The following LAMA2 variants were observed in gnomAD, a reference collection of about 807,000 sequenced individuals.
LAMA2 encodes laminin subunit alpha-2.
In LAMA2, 269 loss-of-function variants were observed where a neutral mutation model predicts 364.8. The ratio of observed to expected loss-of-function variants is 0.74; its 90% CI spans 0.67 to 0.82. The LOEUF is 0.82. Ranked by LOEUF, LAMA2 falls within the 40% of genes least tolerant of loss-of-function variation. The pLI, the probability that LAMA2 is intolerant of heterozygous loss-of-function variation, is 0.00. For synonymous variants in LAMA2, 1,379 were observed against 1,370.6 expected, an observed-to-expected ratio of 1.01 and a Z score of -0.14; for missense variants, 3,807 against 3,873.2, an observed-to-expected ratio of 0.98 and a Z score of 0.45.
intron 23 of LAMA2, among the ~76,000 whole-genome samples, chr6:129,314,383 A>G (rs1774428420): frequency 7.1e-6 from 1 of 141,016 alleles, no homozygotes; most frequent in Non-Finnish European, 1.5e-5. Context: ...TGGGCGAAAG[A>G]GCGAGACTCC....
At chr6:129,326,496 C>T (rs1775293457) in intron 28 of LAMA2, among the ~76,000 whole-genome samples, 1 of 151,820 alleles carries the variant, frequency 6.6e-6, no homozygotes, top group Non-Finnish European at 1.5e-5. Flanking sequence ...GTTTCTTTTT[C>T]TTCTAAGATT....
chr6:129,263,987 T>C (rs1787317286), intron 15 of LAMA2, among the ~76,000 whole-genome samples: 1 of 152,106 alleles, frequency 6.6e-6, no homozygotes, highest in South Asian at 2.1e-4. Flanking sequence ...CAAGCAATCC[T>C]CCCACCTCAG....
chr6:129,239,759 T>C (rs1260913473), intron 12 of LAMA2, among the ~76,000 whole-genome samples: 1 of 152,182 alleles, frequency 6.6e-6, no homozygotes, highest in Non-Finnish European at 1.5e-5. Context: ...CAAGCAATCC[T>C]CCTGCCTCAG....
chr6:129,404,020 G>A, intron 40 of LAMA2, 61 bp downstream of exon 40: 4 of 1,580,388 alleles, frequency 2.5e-6, no homozygotes, highest in Non-Finnish European at 2.6e-6. Context: ...TTTTTCAAAT[G>A]TAAGTCAGTC....
At chr6:128,963,624 C>T (rs1781670013) in intron 1 of LAMA2, among the ~76,000 whole-genome samples, 1 of 152,138 alleles carries the variant, frequency 6.6e-6, no homozygotes, top group Admixed American at 6.5e-5. Context: ...ACCAAACACT[C>T]CACTTGTCTG....
intron 12 of LAMA2, among the ~76,000 whole-genome samples, chr6:129,228,862 A>G (rs923433418): frequency 1.3e-5 from 2 of 152,244 alleles, no homozygotes; most frequent in African/African-American, 4.8e-5. Flanking sequence ...ATATGGTTTT[A>G]GACATCCAGG....
chr6:128,970,257 T>C (rs1298213986), intron 1 of LAMA2, among the ~76,000 whole-genome samples: 5 of 152,206 alleles, frequency 3.3e-5, no homozygotes, highest in Admixed American at 2.0e-4. Context: ...TGAAACTTAT[T>C]CGACTTTTAT....
At chr6:128,957,892 A>T (rs1370464737) in intron 1 of LAMA2, among the ~76,000 whole-genome samples, 1 of 130,674 alleles carries the variant, frequency 7.7e-6, no homozygotes, top group African/African-American at 2.9e-5. Flanking sequence ...CCTGAAATGA[A>T]TTTCTCACTA....
intron 34 of LAMA2, among the ~76,000 whole-genome samples, chr6:129,371,617 T>TC (rs1198776284): frequency 6.6e-6 from 1 of 150,570 alleles, no homozygotes; most frequent in Non-Finnish European, 1.5e-5. Flanking sequence ...CTTTTTTTTT[T>TC]TTTTTTTGAG....
Position 129,512,404 on chromosome 6 carries a change from G to C in LAMA2, c.8899G>C (p.Glu2967Gln). ...GGGATTGGACCTTCTTGTAGAATTT[G>C]AATTCCGCACAACTACAACGACTGG... Reference protein sequence around the residue: ...KVGLDLLVEFEFRTTTTTGVL... With the variant: ...KVGLDLLVEFQFRTTTTTGVL... Residue 2967 changes from glutamate (E) to glutamine (Q), a missense_variant, in exon 63 of 65, where the codon GAA (glutamate) becomes CAA (glutamine). Transcript: ENST00000421865. The C allele has an allele frequency of 1.2e-6, 2 of 1,613,576 alleles. No individual in the cohort carries two copies. Among genetic ancestry groups the C allele is most frequent in the Non-Finnish European group, 1.7e-6 (2 of 1,179,556 alleles).
chr6:128,962,854 C>T (rs550422991), intron 1 of LAMA2, among the ~76,000 whole-genome samples: 1 of 152,270 alleles, frequency 6.6e-6, no homozygotes, highest in South Asian at 2.1e-4. Flanking sequence ...TATTTCTCTT[C>T]ATTTGAAAAC....
chr6:129,481,359 A>G lies in LAMA2; in HGVS notation c.7669A>G (p.Lys2557Glu). 1 of 1,613,750 alleles carries G rather than the reference A, an allele frequency of 6.2e-7. No homozygotes were observed. Residue 2557 changes from lysine to glutamate, a missense_variant, in exon 55 of 65, where the codon AAG (lysine) becomes GAG (glutamate). Physicochemically the swap from Lys to Glu is moderately conservative, Grantham distance 56 (BLOSUM62 1). Transcript: ENST00000421865. ...AGAAATCAACCTGTCATTCAGCACC[A>G]AGAATGAGTCCGGCATCATTCTTTT... ...GTEINLSFST[K>E]NESGIILLGS...
At chr6:129,081,298 C>T (rs960276056) in intron 3 of LAMA2, among the ~76,000 whole-genome samples, 2 of 151,882 alleles carry the variant, frequency 1.3e-5, no homozygotes, top group East Asian at 1.9e-4. Flanking sequence ...ATGTAAATGA[C>T]GAGTTAATGG....
rs1450060078 is a variant in LAMA2, at chr6:129,427,822, A to G, written c.5936A>G (p.Asn1979Ser). The G allele has an allele frequency of 1.2e-6, 2 of 1,613,512 alleles. No individual in the cohort carries two copies. Among genetic ancestry groups the G allele is most frequent in the African/African-American group, 1.3e-5 (1 of 74,922 alleles). Reference protein sequence around the residue: ...GCLQKSFRILNEAKKLANDVK... With the variant: ...GCLQKSFRILSEAKKLANDVK... ...CTTCAGAAAAGCTTCAGGATTCTTA[A>G]CGAAGCCAAGAAGTTAGCAAATGAT... is the stretch of plus-strand genomic sequence containing the variant. The change falls in exon 41 of 65, where the codon AAC becomes AGC. Residue 1979 changes from asparagine to serine, a missense_variant. Asn to Ser is a conservative substitution (Grantham distance 46). Around this residue, in one of 3 missense-constraint regions of LAMA2, gnomAD observed 3,333 missense variants for 3,345.7 expected, o/e 1.00. Transcript: ENST00000421865.
chr6:129,137,378 C>G (rs1354912983), intron 4 of LAMA2, among the ~76,000 whole-genome samples: 1 of 151,972 alleles, frequency 6.6e-6, no homozygotes, highest in African/African-American at 2.4e-5. Context: ...AGGGACAAAT[C>G]CATTTATAAA....
chr6:129,320,850 G>T (rs536189424), intron 28 of LAMA2, among the ~76,000 whole-genome samples, 195 bp downstream of exon 28: 23 of 152,290 alleles, frequency 1.5e-4, no homozygotes, highest in African/African-American at 5.3e-4. Flanking sequence ...GGAAATAGTT[G>T]ATCAAAAATT....
chr6:128,947,808 A>G (rs889639694), intron 1 of LAMA2, among the ~76,000 whole-genome samples: 19 of 152,234 alleles, frequency 1.2e-4, no homozygotes, highest in Non-Finnish European at 2.5e-4. Context: ...GGACAGTTAC[A>G]GTGTTATAAA....
rs1049707780 is a variant in LAMA2, at chr6:129,046,575, C to T, written c.113-3343C>T. Among the ~76,000 whole-genome samples, 7 of 152,292 alleles carry T rather than the reference C, an allele frequency of 4.6e-5. No homozygotes were observed. The East Asian group carries it at 7.7e-4, about 17-fold the overall frequency. On this transcript the variant is annotated intron_variant, in intron 1 of 64. Coordinates refer to ENST00000421865, the MANE Select transcript of LAMA2 (RefSeq NM_000426.4). ...TCCCACAACACATGGGGATTACAGGCGCTACAATTCAAGATGAGATTTGGG... is the reference window on the plus strand; with the variant it reads ...TCCCACAACACATGGGGATTACAGGTGCTACAATTCAAGATGAGATTTGGG...
chr6:128,929,919 G>C, intron 1 of LAMA2: 1 of 815,712 alleles, frequency 1.2e-6, no homozygotes, highest in Non-Finnish European at 2.1e-6. Context: ...TACGCAGCAA[G>C]CAGGAGCGCG....
Sources: allele counts gnomAD v4.1 joint callset (sites outside exome capture counted in the v4.1 genomes callset), GRCh38; gene constraint gnomAD v4.1.1; regional missense constraint gnomAD v4.1.1; transcripts MANE v1.5; gene names NCBI Gene and HGNC (gene_info 2026-07-23, HGNC 2026-07-21).